Variants in UVRAG observed in about 807,000 individuals in gnomAD.
The protein encoded by UVRAG is UV radiation resistance associated.
A neutral mutation model predicts 78.0 loss-of-function variants in UVRAG; 19 were observed. The observed-to-expected ratio is 0.24, with a 90% CI of 0.17 to 0.36. UVRAG has a LOEUF of 0.36. Among genes scored for constraint, UVRAG ranks in the 10% least tolerant of loss-of-function variants. UVRAG has a pLI of 1.00. For missense variants in UVRAG, 740 were observed against 853.8 expected, an observed-to-expected ratio of 0.87 and a Z score of 1.66; for synonymous variants, 323 against 324.6, an observed-to-expected ratio of 1.00 and a Z score of 0.05.
chr11:75,869,082 G>C (rs969939245), intron 3 of UVRAG, among the ~76,000 whole-genome samples: 1 of 152,168 alleles, frequency 6.6e-6, no homozygotes, highest in Admixed American at 6.5e-5. Flanking sequence ...GAGGAACCAG[G>C]TTCAGCAGGC....
chr11:75,961,380 T>A, intron 6 of UVRAG, 64 bp from the exon 7 acceptor site: 1 of 1,309,214 alleles, frequency 7.6e-7, no homozygotes, highest in Non-Finnish European at 1.1e-6. Context: ...GTCATTTATA[T>A]CTGAGGCTCT....
chr11:76,123,175 C>G (rs1430693133), intron 14 of UVRAG, among the ~76,000 whole-genome samples: 2 of 152,176 alleles, frequency 1.3e-5, no homozygotes, highest in East Asian at 3.8e-4. Flanking sequence ...CACCTCTATT[C>G]TAGTGCCTCC....
chr11:76,057,833 C>T (rs1018006800), intron 12 of UVRAG, among the ~76,000 whole-genome samples: 5 of 152,122 alleles, frequency 3.3e-5, no homozygotes, highest in African/African-American at 1.2e-4. Flanking sequence ...TGGTCACTTC[C>T]CTTACTCGAT....
chr11:76,112,942 C>T (rs896693346), intron 13 of UVRAG, among the ~76,000 whole-genome samples: 3 of 151,812 alleles, frequency 2.0e-5, no homozygotes, highest in African/African-American at 4.8e-5. Flanking sequence ...TGCCCAGACT[C>T]GTCTGAAACT....
chr11:76,050,024 A>G (rs1591177131), intron 12 of UVRAG, among the ~76,000 whole-genome samples: 1 of 152,330 alleles, frequency 6.6e-6, no homozygotes, highest in Middle Eastern at 3.4e-3. Flanking sequence ...TAATAAGTAC[A>G]ATACCTGCTG....
chr11:75,994,389 C>G (rs908702605), intron 8 of UVRAG, among the ~76,000 whole-genome samples: 1 of 152,086 alleles, frequency 6.6e-6, no homozygotes, highest in African/African-American at 2.4e-5. Flanking sequence ...ATGACTTGGC[C>G]AGGAACACAC....
chr11:76,084,933 G>T (rs1399282465), intron 13 of UVRAG, among the ~76,000 whole-genome samples: 1 of 151,570 alleles, frequency 6.6e-6, no homozygotes, highest in Non-Finnish European at 1.5e-5. Flanking sequence ...GCATGGTGGC[G>T]GGTGCCTGTA....
At chr11:76,045,715 A>AT (rs1491241276) in intron 12 of UVRAG, among the ~76,000 whole-genome samples, 1 of 150,742 alleles carries the variant, frequency 6.6e-6, no homozygotes, top group Non-Finnish European at 1.5e-5. Context: ...AAAAAAAAAA[A>AT]GCCGGAGATC....
intron 6 of UVRAG, among the ~76,000 whole-genome samples, chr11:75,945,947 CTTT>C (rs1948579796): frequency 6.6e-6 from 1 of 151,940 alleles, no homozygotes; most frequent in African/African-American, 2.4e-5. Flanking sequence ...ATAGATGCTC[CTTT>C]TTTATGTTCA....
intron 6 of UVRAG, among the ~76,000 whole-genome samples, chr11:75,937,713 TTTTC>T (rs1374662708): frequency 2.0e-5 from 3 of 152,170 alleles, no homozygotes; most frequent in Admixed American, 2.0e-4. Context: ...CTTGGCATAG[TTTTC>T]TTTGTGTTTT....
At chr11:75,877,564 C>CA (rs1480523798) in intron 3 of UVRAG, among the ~76,000 whole-genome samples, 1 of 142,964 alleles carries the variant, frequency 7.0e-6, no homozygotes, top group African/African-American at 2.6e-5. Flanking sequence ...GGGGGCTGAC[C>CA]CCCCCCACCT....
chr11:75,923,631 G>A (rs1285835201), intron 6 of UVRAG, among the ~76,000 whole-genome samples: 1 of 152,250 alleles, frequency 6.6e-6, no homozygotes, highest in Admixed American at 6.5e-5. Context: ...TTAGGACTTA[G>A]CTAGTAAATC....
At chr11:76,139,472 G>T (rs1325351109) in intron 14 of UVRAG, among the ~76,000 whole-genome samples, 1 of 152,180 alleles carries the variant, frequency 6.6e-6, no homozygotes, top group Non-Finnish European at 1.5e-5. Flanking sequence ...ACTATTTGTT[G>T]GGTGTGTGTA....
intron 5 of UVRAG, among the ~76,000 whole-genome samples, chr11:75,901,552 AGTGAAGTGAATG>A (rs1947500531): frequency 6.6e-6 from 1 of 152,156 alleles, no homozygotes; most frequent in Non-Finnish European, 1.5e-5. Context: ...TGTGTTTCTT[AGTGAAGTGAATG>A]GTACCACAAT....
At chr11:76,065,559 G>A in intron 12 of UVRAG, 151 bp from the exon 13 acceptor site, 1 of 584,584 alleles carries the variant, frequency 1.7e-6, no homozygotes. Flanking sequence ...ATATTATGAA[G>A]ATGTCAGTAG....
intron 5 of UVRAG, among the ~76,000 whole-genome samples, chr11:75,898,284 A>C (rs1019398796): frequency 2.0e-5 from 3 of 152,210 alleles, no homozygotes; most frequent in Non-Finnish European, 4.4e-5. Flanking sequence ...ATTGAGTCAC[A>C]GAGGGGCAAA....
At chr11:75,853,748 ATTTATTTATTTG>A (rs1029009347) in intron 2 of UVRAG, among the ~76,000 whole-genome samples, 5 of 145,822 alleles carry the variant, frequency 3.4e-5, no homozygotes, top group Non-Finnish European at 7.7e-5. Flanking sequence ...GCATGGATTT[ATTTATTTATTTG>A]TTTATTTATT....
intron 1 of UVRAG, among the ~76,000 whole-genome samples, chr11:75,845,700 T>G (rs1281988189): frequency 1.3e-5 from 2 of 152,178 alleles, no homozygotes; most frequent in Non-Finnish European, 2.9e-5. Context: ...GGGGCCTATT[T>G]GAGGGGTGGA....
At chr11:75,886,621 G>A (rs377266788) in intron 4 of UVRAG, among the ~76,000 whole-genome samples, 10 of 152,052 alleles carry the variant, frequency 6.6e-5, no homozygotes, top group African/African-American at 2.4e-4. Context: ...TTATCTTTTG[G>A]TATTGTATTC....
Sources: gnomAD v4.1 joint callset for allele counts (sites outside exome capture counted in the v4.1 genomes callset) on GRCh38, gnomAD v4.1.1 for gene constraint, MANE v1.5 for transcripts, NCBI Gene and HGNC (gene_info 2026-07-23, HGNC 2026-07-21) for gene names.